The following PACRG variants were observed in gnomAD, a reference collection of about 807,000 sequenced individuals.
The protein encoded by PACRG is parkin coregulated gene protein.
Under a neutral mutation model 29.7 loss-of-function variants are expected in PACRG, and 29 were observed. The ratio of observed to expected loss-of-function variants is 0.98; its 90% CI spans 0.73 to 1.33. The LOEUF is 1.33. PACRG is among the 40% of genes most tolerant of loss of function. The pLI is 0.00. For missense variants in PACRG, 279 were observed against 316.2 expected, an observed-to-expected ratio of 0.88 and a Z score of 0.89; for synonymous variants, 116 against 118.7, an observed-to-expected ratio of 0.98 and a Z score of 0.15.
In PACRG at chr6:162,903,412, A is replaced by G. The variant is rs535619402; in HGVS notation, c.291+89131A>G. ...ATATATACATACCCAAGACTGGGTA[A>G]TTTATAAAGAAAAAGAGGTTTAATG... On this transcript the variant is annotated intron_variant, in intron 2 of 4. Coordinates refer to ENST00000366888, the MANE Select transcript of PACRG (RefSeq NM_001080379.2). 3.7e-4 allele frequency among the ~76,000 whole-genome samples: 56 copies of G among 152,288 alleles called. No homozygotes were observed. The South Asian group carries it at 6.6e-3, about 18-fold the overall frequency.
At chr6:163,306,560 A>T (rs1785204148) in intron 4 of PACRG, among the ~76,000 whole-genome samples, 1 of 152,222 alleles carries the variant, frequency 6.6e-6, no homozygotes, top group African/African-American at 2.4e-5. Flanking sequence ...GTCTTTAAAA[A>T]GCTATATAGA....
At chr6:163,059,971 G>A (rs561609048) in intron 2 of PACRG, among the ~76,000 whole-genome samples, 30 of 152,284 alleles carry the variant, frequency 2.0e-4, no homozygotes, top group African/African-American at 5.3e-4. Context: ...ATAAATTTAA[G>A]TTTGGAAATG....
At chr6:163,035,139 T>C (rs1170245024) in intron 2 of PACRG, among the ~76,000 whole-genome samples, 1 of 152,202 alleles carries the variant, frequency 6.6e-6, no homozygotes, top group East Asian at 1.9e-4. Flanking sequence ...AGCCGGCTTC[T>C]TTACTGCAGT....
At chr6:162,727,391 C>A (rs1219843426), upstream of PACRG, 2 of 468,648 alleles carry the variant, frequency 4.3e-6, no homozygotes, top group South Asian at 3.2e-5. Flanking sequence ...AGCGGGGGTG[C>A]GGGGCCGCCT....
At chr6:162,844,286 G>T (rs1056088188) in intron 2 of PACRG, among the ~76,000 whole-genome samples, 3 of 152,198 alleles carry the variant, frequency 2.0e-5, no homozygotes, top group Admixed American at 6.5e-5. Flanking sequence ...CCAGGTGCGG[G>T]ATATAATCTC....
At chr6:163,193,044 G>A (rs1222788689) in intron 4 of PACRG, among the ~76,000 whole-genome samples, 2 of 152,080 alleles carry the variant, frequency 1.3e-5, no homozygotes, top group South Asian at 2.1e-4. Flanking sequence ...TGTTGTTCCT[G>A]GTTTTAAAAT....
intron 4 of PACRG, among the ~76,000 whole-genome samples, chr6:163,154,265 G>A (rs1370207492): frequency 6.6e-6 from 1 of 152,222 alleles, no homozygotes; most frequent in African/African-American, 2.4e-5. Context: ...GCTATAAAAG[G>A]TTCTTGTGGG....
At chr6:163,077,994 C>T (rs1812702246) in intron 3 of PACRG, among the ~76,000 whole-genome samples, 1 of 152,180 alleles carries the variant, frequency 6.6e-6, no homozygotes, top group Non-Finnish European at 1.5e-5. Flanking sequence ...CAGCTAGATG[C>T]ATTTTCAAGC....
intron 1 of PACRG, among the ~76,000 whole-genome samples, chr6:162,802,667 AC>A (rs1392394864): frequency 6.6e-6 from 1 of 152,026 alleles, no homozygotes; most frequent in Non-Finnish European, 1.5e-5. Context: ...CATATTTCTC[AC>A]CCATTCCTCA....
rs777041886 is a variant in PACRG at position 163,006,844 on chromosome 6, T to G, written c.292-55306T>G. On this transcript the variant is annotated intron_variant, in intron 2 of 4. Transcript: ENST00000366888. ...TATTTGTGCCTTTATATTTAAAGTA[T>G]GTTTCTCGGAGGCAGCTTATAATGT... Among the ~76,000 whole-genome samples, 13 of 152,176 alleles carry G rather than the reference T, an allele frequency of 8.5e-5. No homozygotes were observed. In the Middle Eastern group the frequency reaches 0.014, roughly 159 times the overall value.
intron 2 of PACRG, among the ~76,000 whole-genome samples, chr6:162,969,365 CTCT>C (rs1801334135): frequency 6.6e-6 from 1 of 152,078 alleles, no homozygotes. Flanking sequence ...TGCCCTCTCT[CTCT>C]CCTGTCCACT....
intron 1 of PACRG, among the ~76,000 whole-genome samples, chr6:162,785,110 T>C (rs1170034084): frequency 6.6e-6 from 1 of 151,830 alleles, no homozygotes; most frequent in African/African-American, 2.4e-5. Context: ...TAATTTTTTT[T>C]CAGTTAGCTT....
At chr6:163,198,590 C>A (rs988920645) in intron 4 of PACRG, among the ~76,000 whole-genome samples, 4 of 152,152 alleles carry the variant, frequency 2.6e-5, no homozygotes, top group Admixed American at 2.6e-4. Context: ...TGTCTGGCAC[C>A]AAGGATCTGT....
At chr6:163,060,963 A>G (rs894333962) in intron 2 of PACRG, 5 of 151,834 alleles carry the variant, frequency 3.3e-5, no homozygotes, top group African/African-American at 4.8e-5. Context: ...GACTATATAT[A>G]GGGAATAAAT....
chr6:162,834,598 T>A (rs1789058864), intron 2 of PACRG, among the ~76,000 whole-genome samples: 1 of 151,774 alleles, frequency 6.6e-6, no homozygotes, highest in South Asian at 2.1e-4. Context: ...AATTGTTTGA[T>A]TTTTTTAAAA....
intron 2 of PACRG, among the ~76,000 whole-genome samples, chr6:162,863,622 T>G (rs1327879231): frequency 6.6e-6 from 1 of 152,216 alleles, no homozygotes; most frequent in African/African-American, 2.4e-5. Context: ...AAGCAAAAGC[T>G]TCACATTTAT....
intron 2 of PACRG, among the ~76,000 whole-genome samples, chr6:162,832,253 G>C (rs900232397): frequency 1.3e-5 from 2 of 152,188 alleles, no homozygotes; most frequent in Non-Finnish European, 2.9e-5. Context: ...TTTCTCTAAT[G>C]ATCGTGATGA....
intron 2 of PACRG, chr6:162,957,417 C>T: frequency 1.9e-6 from 1 of 533,694 alleles, no homozygotes; most frequent in Non-Finnish European, 3.5e-6. Flanking sequence ...CAGCACGGAC[C>T]CCTCAAAGTC....
intron 4 of PACRG, among the ~76,000 whole-genome samples, chr6:163,140,221 G>T (rs1326492281): frequency 6.6e-6 from 1 of 152,154 alleles, no homozygotes; most frequent in African/African-American, 2.4e-5. Context: ...AGTCAGACCT[G>T]GGCTCAGAGA....
Sources: gnomAD v4.1 joint callset for allele counts (sites outside exome capture counted in the v4.1 genomes callset) on GRCh38, gnomAD v4.1.1 for gene constraint, MANE v1.5 for transcripts, NCBI Gene and HGNC (gene_info 2026-07-23, HGNC 2026-07-21) for gene names.